Variants in SLC25A12 observed in about 807,000 individuals in gnomAD.
SLC25A12 encodes solute carrier family 25 member 12, also known as electrogenic aspartate/glutamate antiporter SLC25A12, mitochondrial.
A neutral mutation model predicts 83.3 loss-of-function variants in SLC25A12; 32 were observed. The ratio of observed to expected loss-of-function variants is 0.38; its 90% CI spans 0.29 to 0.52. SLC25A12 has a LOEUF of 0.52. Ranked by LOEUF, SLC25A12 falls within the 20% of genes least tolerant of loss-of-function variation. The pLI, the probability that SLC25A12 is intolerant of heterozygous loss-of-function variation, is 0.84. For synonymous variants in SLC25A12, 267 were observed against 291.1 expected (o/e 0.92, Z 0.84); for missense variants, 611 against 835.6 (o/e 0.73, Z 3.31).
intron 3 of SLC25A12, among the ~76,000 whole-genome samples, chr2:171,867,908 A>G (rs1227609714): frequency 1.3e-5 from 2 of 152,022 alleles, no homozygotes; most frequent in African/African-American, 4.8e-5. Context: ...GCAGTGGCGC[A>G]ATCTCGGCGC....
chr2:171,785,562 GC>G, intron 17 of SLC25A12, 87 bp from the exon 18 acceptor site: 1 of 1,167,416 alleles, frequency 8.6e-7, no homozygotes, highest in Non-Finnish European at 1.3e-6. Context: ...TGACCCATGT[GC>G]CACAAAGAAG....
chr2:171,795,399 G>A lies in SLC25A12; in HGVS notation c.1306-1632C>T, dbSNP rs573026926. Among the ~76,000 whole-genome samples, 188 of 152,298 alleles carry A rather than the reference G, an allele frequency of 1.2e-3. 1 individual carries two copies. The highest frequency in any genetic ancestry group is 1.8e-3 in the Non-Finnish European group (125 of 68,024). ...ATCTAAGCAAACAATACTTTCAAAA[G>A]GATTGCTGCATGAAAAATTATGTTA... On this transcript the variant is annotated intron_variant, in intron 13 of 17. Transcript: ENST00000422440.
At chr2:171,847,471 T>C (rs1325925914) in intron 4 of SLC25A12, among the ~76,000 whole-genome samples, 2 of 152,230 alleles carry the variant, frequency 1.3e-5, no homozygotes, top group Admixed American at 1.3e-4. Context: ...CTGCGTGACA[T>C]GAAAGGGAAC....
chr2:171,880,132 A>T (rs1685659649), intron 2 of SLC25A12, among the ~76,000 whole-genome samples: 6 of 152,222 alleles, frequency 3.9e-5, no homozygotes, highest in Admixed American at 3.9e-4. Flanking sequence ...TGGCTGTAAT[A>T]CAGATGAAGC....
At chr2:171,804,227 T>C (rs182040646) in intron 13 of SLC25A12, among the ~76,000 whole-genome samples, 8 of 152,116 alleles carry the variant, frequency 5.3e-5, no homozygotes, top group Admixed American at 5.2e-4. Context: ...ATGTCATGCT[T>C]ACAAAAGGCC....
chr2:171,838,147 T>C (rs901979183), intron 5 of SLC25A12, among the ~76,000 whole-genome samples: 4 of 152,236 alleles, frequency 2.6e-5, no homozygotes, highest in African/African-American at 9.6e-5. Flanking sequence ...CTGTAAATAA[T>C]AGTCATATCT....
At chr2:171,790,921 C>G (rs1370142715) in intron 15 of SLC25A12, among the ~76,000 whole-genome samples, 1 of 152,004 alleles carries the variant, frequency 6.6e-6, no homozygotes, top group African/African-American at 2.4e-5. Context: ...AAATTGAGTT[C>G]AAGGTGGTTT....
At chr2:171,843,395 TG>T (rs1684722298) in intron 5 of SLC25A12, among the ~76,000 whole-genome samples, 1 of 147,858 alleles carries the variant, frequency 6.8e-6, no homozygotes, top group African/African-American at 2.5e-5. Flanking sequence ...GCACTTTGGG[TG>T]GTCAAGGCAG....
chr2:171,785,481 G>T lies in SLC25A12; in HGVS notation c.1836-6C>A. The T allele has an allele frequency of 1.2e-6, 2 of 1,613,732 alleles. No homozygotes were observed. The highest frequency in any genetic ancestry group is 2.2e-5 in the South Asian group (2 of 91,032). The stretch of plus-strand genomic sequence containing the variant: ...GTTCTGAACCAGCGGGTTTGCTGTT[G>T]ACAGAAAAAAAGCCAATGGTTAGCA... On this transcript the variant is annotated splice_region_variant and splice_polypyrimidine_tract_variant and intron_variant, in intron 17 of 17. Coordinates refer to ENST00000422440, the MANE Select transcript of SLC25A12 (RefSeq NM_003705.5).
At chr2:171,821,823 G>C (rs1434760228) in intron 9 of SLC25A12, among the ~76,000 whole-genome samples, 1 of 152,100 alleles carries the variant, frequency 6.6e-6, no homozygotes, top group Non-Finnish European at 1.5e-5. Flanking sequence ...TTTGATAAAA[G>C]TTCTTAAATC....
At chr2:171,852,866 AC>A (rs1374582482) in intron 4 of SLC25A12, among the ~76,000 whole-genome samples, 1 of 152,168 alleles carries the variant, frequency 6.6e-6, no homozygotes, top group Admixed American at 6.6e-5. Flanking sequence ...CTCTCATTCT[AC>A]TTAAGAAAAT....
intron 2 of SLC25A12, 63 bp downstream of exon 2, chr2:171,893,141 AG>A (rs1405970500): frequency 3.1e-6 from 4 of 1,281,048 alleles, no homozygotes; most frequent in Non-Finnish European, 4.6e-6. Flanking sequence ...AGGCATGAAT[AG>A]GACTAAGGAC....
At chr2:171,835,160 A>C (rs1684529370) in intron 6 of SLC25A12, among the ~76,000 whole-genome samples, 1 of 152,230 alleles carries the variant, frequency 6.6e-6, no homozygotes, top group Non-Finnish European at 1.5e-5. Context: ...TCAAAACAAT[A>C]GTTATTTAAA....
At chr2:171,859,240 T>C (rs777994418) in intron 3 of SLC25A12, among the ~76,000 whole-genome samples, 10 of 152,178 alleles carry the variant, frequency 6.6e-5, no homozygotes, top group Non-Finnish European at 1.5e-4. Context: ...CCTTCAGATA[T>C]ATTCAGATAT....
intron 12 of SLC25A12, 152 bp from the exon 13 acceptor site, chr2:171,809,838 G>T (rs1351043967): frequency 1.4e-6 from 1 of 707,012 alleles, no homozygotes. Context: ...TACAAATTCT[G>T]CGACAGTGTG....
At chr2:171,831,698 A>G (rs1348568896) in intron 8 of SLC25A12, among the ~76,000 whole-genome samples, 2 of 152,050 alleles carry the variant, frequency 1.3e-5, no homozygotes, top group Non-Finnish European at 1.5e-5. Flanking sequence ...CTGAGGTCAA[A>G]AGTTTGAGAC....
intron 3 of SLC25A12, among the ~76,000 whole-genome samples, chr2:171,859,098 G>C (rs1685098268): frequency 6.6e-6 from 1 of 152,090 alleles, no homozygotes. Context: ...TTCCATTACT[G>C]TATATCTCCT....
At chr2:171,796,849 G>A (rs974446672) in intron 13 of SLC25A12, among the ~76,000 whole-genome samples, 2 of 152,136 alleles carry the variant, frequency 1.3e-5, no homozygotes, top group Non-Finnish European at 2.9e-5. Flanking sequence ...TGGCAAATAT[G>A]CACTGTTCTT....
Position 171,785,050 on chromosome 2 carries a change from C to A in SLC25A12, c.*224G>T, listed in dbSNP as rs1690461248. 2.0e-6 allele frequency: 1 copy of A among 504,878 alleles called. No individual in the cohort carries two copies. 31.3% of individuals were successfully genotyped at this position (504,878 alleles called of 1,614,324 possible). A position where few individuals can be genotyped will look rare whatever the true frequency, so the allele number is the denominator to read the frequency against. ...GAACACTAATTCATGCCAAGGCTTA[C>A]AAAAACATTTCAACACATAAGACTA... On this transcript the variant is annotated 3_prime_UTR_variant, in exon 18 of 18. Transcript: ENST00000422440.
Sources: gnomAD v4.1 joint callset for allele counts (sites outside exome capture counted in the v4.1 genomes callset) on GRCh38, gnomAD v4.1.1 for gene constraint, MANE v1.5 for transcripts, NCBI Gene and HGNC (gene_info 2026-07-23, HGNC 2026-07-21) for gene names.